DDX1: variants seen among roughly 807,000 people sequenced by gnomAD.
DDX1 encodes DEAD-box helicase 1.
In DDX1, 28 loss-of-function variants were observed where a neutral mutation model predicts 108.7. The ratio of observed to expected loss-of-function variants is 0.26; its 90% CI spans 0.19 to 0.35. The LOEUF (loss-of-function observed/expected upper bound fraction) is 0.35, where lower values mean the gene tolerates loss of function less well. Ranked by LOEUF, DDX1 falls within the 10% of genes least tolerant of loss-of-function variation. The pLI, the probability that DDX1 is intolerant of heterozygous loss-of-function variation, is 1.00. For missense variants in DDX1, 710 were observed against 884.5 expected, an observed-to-expected ratio of 0.80 and a Z score of 2.50; for synonymous variants, 295 against 288.9, an observed-to-expected ratio of 1.02 and a Z score of -0.21.
intron 18 of DDX1, chr2:15,621,399 C>A: frequency 3.3e-6 from 1 of 302,072 alleles, no homozygotes; most frequent in South Asian, 4.3e-5. Context: ...CTCGGCCACC[C>A]GGGTTCAAGC....
intron 3 of DDX1, among the ~76,000 whole-genome samples, chr2:15,596,062 T>G (rs1665492238): frequency 1.3e-5 from 2 of 152,058 alleles, no homozygotes; most frequent in South Asian, 2.1e-4. Flanking sequence ...TTTATTGTAT[T>G]TTTTTGTAGA....
In DDX1 at chr2:15,606,059, G is replaced by A. The variant is rs536351886; in HGVS notation, c.702+33G>A. On this transcript the variant is annotated intron_variant, in intron 11 of 25. Coordinates refer to ENST00000233084, the MANE Select transcript of DDX1 (RefSeq NM_004939.3). ...GGAATCTAGTTAGAAAAAATTTGCT[G>A]TGGTTGTAAGCTGCTTACTCTTCAT... 2.4e-4 allele frequency: 372 copies of A among 1,558,402 alleles called. 1 individual carries two copies. Among genetic ancestry groups the A allele is most frequent in the Admixed American group, 7.7e-4 (41 of 53,292 alleles).
chr2:15,620,198 C>A lies in DDX1; in HGVS notation c.1207-10C>A. On this transcript the variant is annotated splice_polypyrimidine_tract_variant and intron_variant, in intron 16 of 25. Coordinates refer to ENST00000233084, the MANE Select transcript of DDX1 (RefSeq NM_004939.3). The stretch of plus-strand genomic sequence containing the variant: ...AAAGTTCATCTCAATTTGGGGTTTC[C>A]TCTTCTTAGGTGATTGTTTGCTCTG... 6.2e-7 allele frequency: 1 copy of A among 1,603,756 alleles called. No homozygotes were observed. Among genetic ancestry groups the A allele is most frequent in the South Asian group, 1.1e-5 (1 of 88,462 alleles).
chr2:15,597,570 G>A, intron 5 of DDX1, 99 bp downstream of exon 5: 1 of 791,124 alleles, frequency 1.3e-6, no homozygotes, highest in Non-Finnish European at 2.0e-6. Context: ...TTAAAATCTT[G>A]TCAGTATCTG....
chr2:15,602,738 C>T lies in DDX1; in HGVS notation c.391+107C>T, dbSNP rs568032084. On this transcript the variant is annotated intron_variant, in intron 7 of 25. Transcript: ENST00000233084. ...GTTTTTGAGATGGAGTCTCGCACGT[C>T]GCCCGGGCTGGAGGGCCCGGGCTGG... is the stretch of plus-strand genomic sequence containing the variant. 7.3e-5 allele frequency: 62 copies of T among 846,446 alleles called. No homozygotes were observed. The East Asian group carries it at 1.3e-3, about 18-fold the overall frequency. 52.4% of individuals were successfully genotyped at this position (846,446 alleles called of 1,614,324 possible).
chr2:15,623,650 G>A (rs1666046331), intron 19 of DDX1, 68 bp downstream of exon 19: 1 of 1,349,158 alleles, frequency 7.4e-7, no homozygotes. Context: ...ATCTCATGTT[G>A]ATGCAATCTA....
chr2:15,598,602 T>A (rs1665537869), intron 5 of DDX1, among the ~76,000 whole-genome samples: 1 of 152,168 alleles, frequency 6.6e-6, no homozygotes. Flanking sequence ...AGATGAAGAT[T>A]TCTGTTTAAC....
At chr2:15,625,938 T>C (rs184160146) in intron 19 of DDX1, among the ~76,000 whole-genome samples, 75 of 152,182 alleles carry the variant, frequency 4.9e-4, no homozygotes, top group African/African-American at 1.6e-3. Context: ...TTGGTTGTTA[T>C]AGTGACTGTT....
intron 6 of DDX1, 91 bp downstream of exon 6, chr2:15,599,807 T>A: frequency 3.2e-6 from 3 of 935,250 alleles, no homozygotes; most frequent in Non-Finnish European, 5.0e-6. Context: ...GATTAAGATT[T>A]AATTTACCAG....
rs564335721 is a variant in DDX1 at position 15,602,867 on chromosome 2, C to T, written c.391+236C>T. Among the ~76,000 whole-genome samples the T allele has an allele frequency of 3.0e-4, 45 of 152,258 alleles. No individual in the cohort carries two copies. The South Asian group carries it at 9.1e-3, about 31-fold the overall frequency. On this transcript the variant is annotated intron_variant, in intron 7 of 25. Coordinates refer to ENST00000233084, the MANE Select transcript of DDX1 (RefSeq NM_004939.3). ...TAGCTGGGATTACAGGCGCCCACCACCATGCCTGGCTAATTTTTGTACTTT... is the reference window on the plus strand; with the variant it reads ...TAGCTGGGATTACAGGCGCCCACCATCATGCCTGGCTAATTTTTGTACTTT...
chr2:15,620,498 CAAAG>C, intron 17 of DDX1, 102 bp downstream of exon 17: 1 of 849,948 alleles, frequency 1.2e-6, no homozygotes. Context: ...GTTATTGTAT[CAAAG>C]AAAAGTCCAA....
At chr2:15,593,808 G>A (rs1478222579) in intron 1 of DDX1, among the ~76,000 whole-genome samples, 1 of 151,854 alleles carries the variant, frequency 6.6e-6, no homozygotes, top group East Asian at 1.9e-4. Flanking sequence ...CAGGTGCAGT[G>A]GCTTATGCCT....
In DDX1 at chr2:15,602,551, T is replaced by C. The variant is rs531560941; in HGVS notation, c.311T>C (p.Ile104Thr). ...NPYDRGSAFA[I>T]GSDGLCCQSR... ...TGTGTTTTCTTCTCAAATCCAGCAA[T>C]TGGGTCAGATGGTCTTTGTTGTCAA... The change falls in exon 7 of 26, where the codon ATT becomes ACT. Residue 104 changes from isoleucine (I) to threonine (T), a missense_variant. Physicochemically the swap from Ile to Thr is moderately conservative, Grantham distance 89 (BLOSUM62 -1). Transcript: ENST00000233084. 1.1e-4 allele frequency: 171 copies of C among 1,612,450 alleles called. No homozygotes were observed. The highest frequency in any genetic ancestry group is 1.4e-4 in the Non-Finnish European group (167 of 1,178,652).
chr2:15,602,691 GT>G, intron 7 of DDX1, 60 bp downstream of exon 7: 10 of 1,272,754 alleles, frequency 7.9e-6, no homozygotes, highest in Non-Finnish European at 1.0e-5. Flanking sequence ...ATACGTGAGG[GT>G]TTTTTTGTTG....
At chr2:15,608,113 A>G (rs1266903645) in intron 13 of DDX1, among the ~76,000 whole-genome samples, 1 of 152,222 alleles carries the variant, frequency 6.6e-6, no homozygotes, top group African/African-American at 2.4e-5. Context: ...GACTTTGAAG[A>G]AGGCTATACC....
intron 17 of DDX1, 142 bp downstream of exon 17, chr2:15,620,538 A>T: frequency 1.7e-6 from 1 of 572,368 alleles, no homozygotes; most frequent in East Asian, 3.0e-5. Flanking sequence ...TAGACCTTTA[A>T]AAAGCACTGA....
chr2:15,625,586 G>C (rs1666088046), intron 19 of DDX1, among the ~76,000 whole-genome samples: 1 of 152,110 alleles, frequency 6.6e-6, no homozygotes, highest in South Asian at 2.1e-4. Context: ...TGTGGTTAAA[G>C]CAAGTATAAT....
intron 13 of DDX1, among the ~76,000 whole-genome samples, chr2:15,607,517 A>AT (rs56290971): frequency 5.9e-5 from 9 of 151,332 alleles, no homozygotes; most frequent in South Asian, 4.2e-4. Flanking sequence ...TAAAATTGAG[A>AT]TTTTTTTTTT....
intron 20 of DDX1, chr2:15,627,612 G>A (rs1666122967): frequency 6.5e-6 from 1 of 154,454 alleles, no homozygotes; most frequent in East Asian, 1.9e-4. Context: ...GGGTCATATA[G>A]CTCTTGGTGT....
Sources: gnomAD v4.1 joint callset for allele counts (sites outside exome capture counted in the v4.1 genomes callset) on GRCh38, gnomAD v4.1.1 for gene constraint, MANE v1.5 for transcripts, NCBI Gene and HGNC (gene_info 2026-07-23, HGNC 2026-07-21) for gene names.